Variants in TGFBRAP1 observed in about 807,000 individuals in gnomAD.
TGFBRAP1 encodes transforming growth factor beta receptor associated protein 1, also known as transforming growth factor-beta receptor-associated protein 1.
In TGFBRAP1, 20 loss-of-function variants were observed where a neutral mutation model predicts 83.2. That is an observed-to-expected ratio of 0.24 (90% CI 0.17 to 0.35). The LOEUF is 0.35. Among genes scored for constraint, TGFBRAP1 ranks in the 10% least tolerant of loss-of-function variants. The pLI is 1.00. For synonymous variants in TGFBRAP1, 415 were observed against 459.8 expected (o/e 0.90, Z 1.25); for missense variants, 950 against 1,099.4 (o/e 0.86, Z 1.92).
chr2:105,256,776 T>C, the TGFBRAP1 span, among the ~76,000 whole-genome samples: 68,747 of 152,064 alleles, frequency 0.45, 16,904 homozygotes, highest in Non-Finnish European at 0.57. Context: ...CATTCCCAGA[T>C]GGTTAGACAT....
chr2:105,277,462 C>T, intron 7 of TGFBRAP1, 152 bp downstream of exon 7: 1 of 669,760 alleles, frequency 1.5e-6, no homozygotes. Context: ...CAGGAATTCA[C>T]TTTCTAAAAC....
the TGFBRAP1 span, among the ~76,000 whole-genome samples, chr2:105,256,990 T>C: frequency 2.0e-5 from 3 of 152,202 alleles, no homozygotes; most frequent in Non-Finnish European, 4.4e-5. Context: ...GAAGTTACCC[T>C]ATATGGTCTA....
chr2:105,289,025 G>A (rs1677812002), intron 4 of TGFBRAP1, among the ~76,000 whole-genome samples: 1 of 152,114 alleles, frequency 6.6e-6, no homozygotes, highest in African/African-American at 2.4e-5. Flanking sequence ...ACCTGTTACT[G>A]TCCCTGCACA....
At chr2:105,279,542 T>C (rs1479474471) in intron 6 of TGFBRAP1, among the ~76,000 whole-genome samples, 5 of 151,692 alleles carry the variant, frequency 3.3e-5, no homozygotes, top group African/African-American at 1.2e-4. Flanking sequence ...ATTACAGGCA[T>C]GAACCCCCAT....
downstream of TGFBRAP1, among the ~76,000 whole-genome samples, chr2:105,260,457 T>C (rs2104288615): frequency 6.6e-6 from 1 of 152,260 alleles, no homozygotes; most frequent in South Asian, 2.1e-4. Context: ...TGGGTGAACT[T>C]TGAGGACATT....
At chr2:105,288,293 C>T (rs531041775) in intron 4 of TGFBRAP1, among the ~76,000 whole-genome samples, 2 of 152,312 alleles carry the variant, frequency 1.3e-5, no homozygotes, top group African/African-American at 4.8e-5. Flanking sequence ...AGCCAGTGCA[C>T]CCCTGAGCCA....
At chr2:105,307,250 C>T (rs1355566841) in intron 2 of TGFBRAP1, among the ~76,000 whole-genome samples, 2 of 152,170 alleles carry the variant, frequency 1.3e-5, no homozygotes, top group African/African-American at 4.8e-5. Context: ...CATATAAATT[C>T]TCTGTTCTCT....
At chr2:105,314,395 C>T (rs892696159) in intron 1 of TGFBRAP1, among the ~76,000 whole-genome samples, 7 of 151,546 alleles carry the variant, frequency 4.6e-5, no homozygotes, top group Admixed American at 3.3e-4. Context: ...GGACTACAGG[C>T]GCCTGCCACC....
At chr2:105,299,389 C>G (rs978909498) in intron 2 of TGFBRAP1, among the ~76,000 whole-genome samples, 1 of 152,122 alleles carries the variant, frequency 6.6e-6, no homozygotes. Flanking sequence ...AAGTGACTTT[C>G]AAATAGGGCG....
chr2:105,308,147 T>A lies in TGFBRAP1; in HGVS notation c.155A>T (p.Glu52Val). 6.2e-7 allele frequency: 1 copy of A among 1,614,120 alleles called. No individual in the cohort carries two copies. Among genetic ancestry groups the A allele is most frequent in the Non-Finnish European group, 8.5e-7 (1 of 1,180,016 alleles). The change falls in exon 2 of 12, where the codon GAG (glutamate) becomes GTG (valine). Residue 52 changes from glutamate to valine, a missense_variant. Coordinates refer to ENST00000393359, the MANE Select transcript of TGFBRAP1 (RefSeq NM_004257.6). Reference protein sequence around the residue: ...NDCFVYHFLLEERPVPAGPAT... With the variant: ...NDCFVYHFLLVERPVPAGPAT... The stretch of plus-strand genomic sequence containing the variant: ...TGGCCCAGCAGGCACTGGCCTCTCC[T>A]CCAACAGGAAGTGGTAGACGAAGCA...
rs1676862380 is a variant in TGFBRAP1, at chr2:105,264,688, A to G, written c.*2695T>C. 2 of 152,274 alleles carry G rather than the reference A, an allele frequency of 1.3e-5. No homozygotes were observed. Among genetic ancestry groups the G allele is most frequent in the Admixed American group, 1.3e-4 (2 of 15,288 alleles). 9.4% of individuals were successfully genotyped at this position (152,274 alleles called of 1,614,324 possible). A position where few individuals can be genotyped will look rare whatever the true frequency, so the allele number is the denominator to read the frequency against. On this transcript the variant is annotated 3_prime_UTR_variant, in exon 12 of 12. Transcript: ENST00000393359. ...AAGCACATGTAAGCACGCGTCAGTG[A>G]GAGCGTCGCAGTTGAACTCAGCCCA...
At chr2:105,316,469 G>GCGCGCA (rs1678874786) in intron 1 of TGFBRAP1, among the ~76,000 whole-genome samples, 1 of 67,046 alleles carries the variant, frequency 1.5e-5, no homozygotes, top group Non-Finnish European at 3.5e-5. Flanking sequence ...GTGTGCGCGC[G>GCGCGCA]CGCGCGCGCG....
At chr2:105,299,067 G>A (rs912433461) in intron 2 of TGFBRAP1, among the ~76,000 whole-genome samples, 1 of 152,130 alleles carries the variant, frequency 6.6e-6, no homozygotes, top group African/African-American at 2.4e-5. Context: ...TGGTGCTTGA[G>A]CTCAGGAGTT....
intron 1 of TGFBRAP1, among the ~76,000 whole-genome samples, chr2:105,328,548 C>A (rs1303452902): frequency 1.3e-5 from 2 of 152,180 alleles, no homozygotes; most frequent in East Asian, 3.8e-4. Context: ...TAGCAGCCAC[C>A]ACACAGTCCC....
chr2:105,297,662 G>A (rs1293473436), intron 3 of TGFBRAP1, among the ~76,000 whole-genome samples: 1 of 152,184 alleles, frequency 6.6e-6, no homozygotes, highest in Non-Finnish European at 1.5e-5. Flanking sequence ...TAGGTCAACT[G>A]GGGAAATCTG....
chr2:105,316,531 G>C (rs1043313576), intron 1 of TGFBRAP1, among the ~76,000 whole-genome samples: 1 of 151,458 alleles, frequency 6.6e-6, no homozygotes, highest in African/African-American at 2.4e-5. Flanking sequence ...GGCAGACTGG[G>C]AGCAGTGGCT....
intron 7 of TGFBRAP1, among the ~76,000 whole-genome samples, chr2:105,275,974 A>C (rs1414530297): frequency 2.0e-5 from 3 of 152,212 alleles, no homozygotes; most frequent in African/African-American, 7.2e-5. Context: ...CACAGTAAAC[A>C]GAATATATGC....
At chr2:105,325,897 T>C (rs1679213460) in intron 1 of TGFBRAP1, among the ~76,000 whole-genome samples, 1 of 152,022 alleles carries the variant, frequency 6.6e-6, no homozygotes, top group Non-Finnish European at 1.5e-5. Flanking sequence ...AGTCAACTTT[T>C]CCCCCCTTTG....
chr2:105,314,256 T>A (rs1678781234), intron 1 of TGFBRAP1, among the ~76,000 whole-genome samples: 1 of 147,814 alleles, frequency 6.8e-6, no homozygotes. Flanking sequence ...TCTCTTTTTT[T>A]TTTTTTTTTT....
Sources: gnomAD v4.1 joint callset for allele counts (sites outside exome capture counted in the v4.1 genomes callset) on GRCh38, gnomAD v4.1.1 for gene constraint, MANE v1.5 for transcripts, NCBI Gene and HGNC (gene_info 2026-07-23, HGNC 2026-07-21) for gene names.